Variants in IFT140 observed in about 807,000 individuals in gnomAD.
The protein encoded by IFT140 is intraflagellar transport protein 140 homolog.
IFT140 carries 133 observed loss-of-function variants against 164.6 expected under a neutral mutation model. The observed-to-expected ratio is 0.81, with a 90% confidence interval of 0.70 to 0.93. The LOEUF is 0.93. Ranked by LOEUF, IFT140 falls within the 40% of genes least tolerant of loss-of-function variation. IFT140 has a pLI of 0.00. For synonymous variants in IFT140, 860 were observed against 817.3 expected, an observed-to-expected ratio of 1.05 and a Z score of -0.89; for missense variants, 2,045 against 1,972.3, an observed-to-expected ratio of 1.04 and a Z score of -0.70.
intron 19 of IFT140, among the ~76,000 whole-genome samples, chr16:1,545,632 G>C (rs867447633): frequency 1.3e-5 from 2 of 152,174 alleles, no homozygotes; most frequent in Admixed American, 6.5e-5. Flanking sequence ...AGTGAACCTC[G>C]ATCCCAGGGC....
At chr16:1,566,842 C>A (rs557000772) in intron 15 of IFT140, among the ~76,000 whole-genome samples, 6 of 152,172 alleles carry the variant, frequency 3.9e-5, no homozygotes, top group Non-Finnish European at 2.9e-5. Flanking sequence ...GCCTCCTTCT[C>A]CCAGTGGCCC....
In IFT140 at chr16:1,589,626, G is replaced by A. The variant is rs376614085; in HGVS notation, c.789C>T (p.Gly263=). The part of the protein sequence containing the change: ...RLSLYTVPPE[G]KAEEVMKVKL... ...TCACCTTCATCACTTCTTCTGCTTTGCCCTCAGGAGGCACCGTGTACAGGG... is the reference window on the plus strand; with the variant it reads ...TCACCTTCATCACTTCTTCTGCTTTACCCTCAGGAGGCACCGTGTACAGGG... The change falls in exon 7 of 31, where the codon GGC becomes GGT. Residue 263 remains glycine, a synonymous_variant. Coordinates refer to ENST00000426508, the MANE Select transcript of IFT140 (RefSeq NM_014714.4). 2 of 1,613,934 alleles carry A rather than the reference G, an allele frequency of 1.2e-6. No homozygotes were observed. Among genetic ancestry groups the A allele is most frequent in the African/African-American group, 2.7e-5 (2 of 74,894 alleles).
At chr16:1,606,450 G>A (rs1050059421) in intron 3 of IFT140, among the ~76,000 whole-genome samples, 2 of 152,198 alleles carry the variant, frequency 1.3e-5, no homozygotes, top group Non-Finnish European at 1.5e-5. Flanking sequence ...AACTGATGAC[G>A]GATGTCGTTT....
At chr16:1,582,615 T>C (rs2034631801) in intron 12 of IFT140, among the ~76,000 whole-genome samples, 1 of 152,212 alleles carries the variant, frequency 6.6e-6, no homozygotes, top group African/African-American at 2.4e-5. Flanking sequence ...AAGAAAACAA[T>C]GGCCAAGGCC....
At chr16:1,539,160 T>C (rs906963277) in intron 19 of IFT140, among the ~76,000 whole-genome samples, 4 of 147,970 alleles carry the variant, frequency 2.7e-5, no homozygotes, top group Non-Finnish European at 1.5e-5. Context: ...CTCACCAAGC[T>C]GCACAGTGCC....
intron 30 of IFT140, among the ~76,000 whole-genome samples, chr16:1,515,765 G>A (rs911751535): frequency 3.3e-5 from 5 of 152,130 alleles, no homozygotes; most frequent in East Asian, 1.9e-4. Context: ...TCAGATTAAC[G>A]AAAAGTAAGA....
chr16:1,529,558 C>T (rs1047820325), intron 19 of IFT140, among the ~76,000 whole-genome samples: 13 of 152,352 alleles, frequency 8.5e-5, no homozygotes, highest in South Asian at 6.2e-4. Context: ...GGAACTCTTG[C>T]CACCAACTCA....
chr16:1,518,347 CTGT>C lies in IFT140; in HGVS notation c.4048_4050del (p.Thr1350del). 6.2e-7 allele frequency: 1 copy of C among 1,613,846 alleles called. No homozygotes were observed. Among genetic ancestry groups the C allele is most frequent in the African/African-American group, 1.3e-5 (1 of 75,040 alleles). ...TGCTTGATGGACTCCTTGGGGTCCT[CTGT>C]GTACGTCCTGCCGAGAGCAGAGATG... On this transcript the variant is annotated inframe_deletion, in exon 30 of 31. Transcript: ENST00000426508.
chr16:1,527,820 G>T (rs2029886219), intron 19 of IFT140, among the ~76,000 whole-genome samples: 1 of 152,212 alleles, frequency 6.6e-6, no homozygotes, highest in Non-Finnish European at 1.5e-5. Context: ...TGATCCACCT[G>T]CCTTGGCCTC....
chr16:1,594,368 TCAC>T lies in IFT140; in HGVS notation c.370-1783_370-1781del, dbSNP rs1244429873. 3.9e-5 allele frequency among the ~76,000 whole-genome samples: 6 copies of T among 152,180 alleles called. No individual in the cohort carries two copies. The East Asian group carries it at 1.2e-3, about 29-fold the overall frequency. On this transcript the variant is annotated intron_variant, in intron 4 of 30. Coordinates refer to ENST00000426508, the MANE Select transcript of IFT140 (RefSeq NM_014714.4). ...CCCGAGTAGCTGGGAATACAGATGC[TCAC>T]CACCACAGCTGGCTAATTTTTGTAT... is the stretch of plus-strand genomic sequence containing the variant.
chr16:1,598,211 C>G (rs1335294550), intron 4 of IFT140, among the ~76,000 whole-genome samples: 1 of 152,202 alleles, frequency 6.6e-6, no homozygotes, highest in Non-Finnish European at 1.5e-5. Context: ...GTAATCCCAG[C>G]ACTGTGGGAG....
At chr16:1,569,208 C>T (rs111316971) in intron 14 of IFT140, among the ~76,000 whole-genome samples, 3 of 152,082 alleles carry the variant, frequency 2.0e-5, no homozygotes, top group African/African-American at 4.8e-5. Context: ...GGGGTTTCAC[C>T]GTGTTAGCCA....
chr16:1,540,408 C>T (rs1352933715), intron 19 of IFT140, among the ~76,000 whole-genome samples: 3 of 152,226 alleles, frequency 2.0e-5, no homozygotes, highest in Non-Finnish European at 4.4e-5. Context: ...TTGATGCCAG[C>T]GTGCCTGCCC....
At chr16:1,520,991 G>A (rs531646185) in intron 26 of IFT140, among the ~76,000 whole-genome samples, 183 bp from the exon 27 acceptor site, 36 of 152,294 alleles carry the variant, frequency 2.4e-4, no homozygotes, top group African/African-American at 2.9e-4. Context: ...AATCATTCAC[G>A]TTACTTTCTC....
Position 1,518,156 on chromosome 16 carries a change from CCTT to C in IFT140, c.4182+57_4182+59del, listed in dbSNP as rs1288590751. 3 of 1,567,372 alleles carry C rather than the reference CCTT, an allele frequency of 1.9e-6. No individual in the cohort carries two copies. The African/African-American group carries it at 4.0e-5, about 21-fold the overall frequency. On this transcript the variant is annotated intron_variant, in intron 30 of 30. Transcript: ENST00000426508. ...CACAGCCTCAGTTTGAGCCGTTAAG[CCTT>C]CGTTTCAGGAGCCTTGTGTGGCGGG...
At position 1,525,290 on chromosome 16, in the gene IFT140, G is replaced by A; in HGVS notation, c.2805C>T (p.Pro935=). Reference sequence around the variant, plus strand: ...ACGGCAGGTCCTCCGACAGCATCCTGGGCACCTCGAAGCGGTGCGTGTCCG... The same window carrying A: ...ACGGCAGGTCCTCCGACAGCATCCTAGGCACCTCGAAGCGGTGCGTGTCCG... ...EKSDTHRFEV[P]RMLSEDLPSL... is the part of the protein sequence containing the mutation. Residue 935 remains proline (P), a synonymous_variant, in exon 22 of 31, where the codon CCC becomes CCT. Coordinates refer to ENST00000426508, the MANE Select transcript of IFT140 (RefSeq NM_014714.4). 6.2e-7 allele frequency: 1 copy of A among 1,612,784 alleles called. No homozygotes were observed. The highest frequency in any genetic ancestry group is 8.5e-7 in the Non-Finnish European group (1 of 1,179,914).
chr16:1,525,415 C>A, intron 21 of IFT140, 89 bp from the exon 22 acceptor site: 1 of 984,072 alleles, frequency 1.0e-6, no homozygotes, highest in South Asian at 1.3e-5. Context: ...CGGTGAAACG[C>A]ATCAGAGCGG....
chr16:1,600,577 GC>G lies in IFT140; in HGVS notation c.369+1792del, dbSNP rs1291652761. On this transcript the variant is annotated intron_variant, in intron 4 of 30. Coordinates refer to ENST00000426508, the MANE Select transcript of IFT140 (RefSeq NM_014714.4). The stretch of plus-strand genomic sequence containing the variant: ...CCACCAAAATGTTAATCAACAGGGG[GC>G]TGGTTCAGTAAATTACAACATTCAT... Among the ~76,000 whole-genome samples the G allele has an allele frequency of 6.6e-5, 10 of 152,270 alleles. No individual in the cohort carries two copies. In the East Asian group the frequency reaches 1.7e-3, roughly 26 times the overall value.
chr16:1,524,926 G>A lies in IFT140; in HGVS notation c.2865-10C>T, dbSNP rs2040636908. On this transcript the variant is annotated splice_polypyrimidine_tract_variant and intron_variant, in intron 22 of 30. Transcript: ENST00000426508. ...CCACCGCCACAGGGTCCTGCGGGCA[G>A]CCCAAGACCATGGATTCTCCACCCG... 1 of 1,597,360 alleles carries A rather than the reference G, an allele frequency of 6.3e-7. No homozygotes were observed. Among genetic ancestry groups the A allele is most frequent in the Non-Finnish European group, 8.5e-7 (1 of 1,172,240 alleles).
Sources: gnomAD v4.1 joint callset for allele counts (sites outside exome capture counted in the v4.1 genomes callset) on GRCh38, gnomAD v4.1.1 for gene constraint, MANE v1.5 for transcripts, NCBI Gene and HGNC (gene_info 2026-07-23, HGNC 2026-07-21) for gene names.